The following BAZ2B variants were observed in gnomAD, a reference collection of about 807,000 sequenced individuals.
BAZ2B encodes bromodomain adjacent to zinc finger domain protein 2B.
In BAZ2B, 91 loss-of-function variants were observed where a neutral mutation model predicts 246.0. The ratio of observed to expected loss-of-function variants is 0.37; its 90% CI spans 0.31 to 0.44. The LOEUF is 0.44. Among genes scored for constraint, BAZ2B ranks in the 20% least tolerant of loss-of-function variants. BAZ2B has a pLI of 1.00. For missense variants in BAZ2B, 2,332 were observed against 2,533.7 expected, an observed-to-expected ratio of 0.92 and a Z score of 1.71; for synonymous variants, 855 against 860.0, an observed-to-expected ratio of 0.99 and a Z score of 0.10.
At chr2:159,478,054 G>A (rs1033501973) in intron 3 of BAZ2B, among the ~76,000 whole-genome samples, 1 of 152,056 alleles carries the variant, frequency 6.6e-6, no homozygotes, top group African/African-American at 2.4e-5. Flanking sequence ...ACTCCTGACC[G>A]CAGCTTCCCA....
intron 2 of BAZ2B, among the ~76,000 whole-genome samples, chr2:159,506,773 T>C (rs1309127707): frequency 6.6e-6 from 1 of 152,186 alleles, no homozygotes; most frequent in Non-Finnish European, 1.5e-5. Flanking sequence ...AACTTTCCTT[T>C]TGGGATCACA....
At chr2:159,329,900 C>T (rs1205126068) in intron 34 of BAZ2B, among the ~76,000 whole-genome samples, 3 of 152,108 alleles carry the variant, frequency 2.0e-5, no homozygotes, top group Admixed American at 6.6e-5. Flanking sequence ...GTCCAATGAC[C>T]TACCAGGTGA....
At position 159,573,979 on chromosome 2, in the gene BAZ2B, T is replaced by C. The variant is rs746937403; in HGVS notation, c.-45-18114A>G. Among the ~76,000 whole-genome samples the C allele has an allele frequency of 8.9e-4, 136 of 152,132 alleles. 1 individual carries two copies. The highest frequency in any genetic ancestry group is 1.5e-3 in the Non-Finnish European group (99 of 67,988). On this transcript the variant is annotated intron_variant, in intron 1 of 36. Coordinates refer to ENST00000392783, the MANE Select transcript of BAZ2B (RefSeq NM_013450.4). Reference sequence around the variant, plus strand: ...GGCTGGGTGTGTTGGCATGTGCCCATAGTCCCAGCTACTTGGGTGGCTGAG... The same window carrying C: ...GGCTGGGTGTGTTGGCATGTGCCCACAGTCCCAGCTACTTGGGTGGCTGAG...
intron 2 of BAZ2B, among the ~76,000 whole-genome samples, chr2:159,526,619 C>G (rs530213529): frequency 1.3e-5 from 2 of 152,180 alleles, no homozygotes; most frequent in East Asian, 3.9e-4. Context: ...TTTGTTTGCA[C>G]TTCTGTTTAT....
rs201646075 is a variant in BAZ2B, at chr2:159,564,599, G to GA, written c.-45-8735dup. On this transcript the variant is annotated intron_variant, in intron 1 of 36. Transcript: ENST00000392783. ...TATTTGATTGCTGATGACTAAACAA[G>GA]AAAAAAAACAGAATAATTAAGGATG... Among the ~76,000 whole-genome samples the GA allele has an allele frequency of 6.7e-4, 101 of 151,640 alleles. 1 individual carries two copies. The highest frequency in any genetic ancestry group is 2.9e-3 in the South Asian group (14 of 4,808).
At chr2:159,387,849 T>C (rs1208714716) in intron 21 of BAZ2B, among the ~76,000 whole-genome samples, 3 of 152,112 alleles carry the variant, frequency 2.0e-5, no homozygotes, top group Non-Finnish European at 4.4e-5. Flanking sequence ...TGTTAACTAA[T>C]TTATATACCC....
At chr2:159,368,479 C>A (rs73967843) in intron 27 of BAZ2B, among the ~76,000 whole-genome samples, 15,515 of 152,044 alleles carry the variant, frequency 0.1, 1,217 homozygotes, top group African/African-American at 0.22. Context: ...GGAATCTATA[C>A]CTATTATTTA....
chr2:159,468,975 C>A (rs542422014), intron 3 of BAZ2B, among the ~76,000 whole-genome samples: 1 of 148,354 alleles, frequency 6.7e-6, no homozygotes, highest in African/African-American at 2.5e-5. Flanking sequence ...TGCTTGAACA[C>A]GGGAGGCAGA....
At position 159,483,090 on chromosome 2, in the gene BAZ2B, G is replaced by T. The variant is rs531547960; in HGVS notation, c.-2-4369C>A. Among the ~76,000 whole-genome samples the T allele has an allele frequency of 2.0e-5, 3 of 152,166 alleles. No homozygotes were observed. The South Asian group carries it at 6.2e-4, about 32-fold the overall frequency. On this transcript the variant is annotated intron_variant, in intron 2 of 36. Coordinates refer to ENST00000392783, the MANE Select transcript of BAZ2B (RefSeq NM_013450.4). ...AGATATCACAGGATCACAACAAATG[G>T]AGTATAATAACATGACCTCCCGTCT...
At chr2:159,537,453 G>A (rs1002604652) in intron 2 of BAZ2B, among the ~76,000 whole-genome samples, 3 of 152,244 alleles carry the variant, frequency 2.0e-5, no homozygotes, top group Non-Finnish European at 4.4e-5. Flanking sequence ...TTAAGTGGAG[G>A]AGACTGAGGA....
At chr2:159,582,622 T>C (rs868121232) in intron 1 of BAZ2B, among the ~76,000 whole-genome samples, 2 of 151,622 alleles carry the variant, frequency 1.3e-5, no homozygotes, top group African/African-American at 2.4e-5. Flanking sequence ...TGGACTCCAG[T>C]GATCAGCCCA....
chr2:159,604,860 G>A (rs1395880180), intron 1 of BAZ2B, among the ~76,000 whole-genome samples: 3 of 152,166 alleles, frequency 2.0e-5, no homozygotes, highest in Admixed American at 6.5e-5. Flanking sequence ...AAAGTTTGGT[G>A]AGGAGGGCAT....
intron 2 of BAZ2B, among the ~76,000 whole-genome samples, chr2:159,529,994 AT>A (rs1331433351): frequency 6.6e-6 from 1 of 152,194 alleles, no homozygotes; most frequent in African/African-American, 2.4e-5. Flanking sequence ...AAAAGTGAGG[AT>A]TTTGGAAGCT....
intron 27 of BAZ2B, among the ~76,000 whole-genome samples, chr2:159,359,162 C>G (rs143848528): frequency 0.036 from 5,450 of 152,196 alleles, 194 homozygotes; most frequent in African/African-American, 0.096. Context: ...ATCAATGAAT[C>G]CAGGAGCTGG....
At chr2:159,328,070 G>GAAAAAAAAA (rs1306873341) in intron 34 of BAZ2B, among the ~76,000 whole-genome samples, 9 of 49,508 alleles carry the variant, frequency 1.8e-4, no homozygotes, top group African/African-American at 4.4e-4. Context: ...GCCTCAAAAC[G>GAAAAAAAAA]AAAAAAAAAA....
the BAZ2B span, among the ~76,000 whole-genome samples, chr2:159,639,425 C>T: frequency 6.6e-6 from 1 of 152,018 alleles, no homozygotes; most frequent in Non-Finnish European, 1.5e-5. Flanking sequence ...GTAAATTACT[C>T]TTAAGTAGAA....
intron 2 of BAZ2B, among the ~76,000 whole-genome samples, chr2:159,533,255 C>G (rs1018205074): frequency 6.6e-6 from 1 of 152,034 alleles, no homozygotes; most frequent in African/African-American, 2.4e-5. Flanking sequence ...CAGTAATAGG[C>G]CTGATACATA....
chr2:159,686,948 A>G, the BAZ2B span, among the ~76,000 whole-genome samples: 5 of 149,700 alleles, frequency 3.3e-5, no homozygotes, highest in African/African-American at 1.2e-4. Flanking sequence ...AGGCTGAGGC[A>G]GGAGAATGGC....
chr2:159,632,725 A>T, the BAZ2B span, among the ~76,000 whole-genome samples: 1 of 152,226 alleles, frequency 6.6e-6, no homozygotes, highest in African/African-American at 2.4e-5. Flanking sequence ...TACATAGTGC[A>T]AATTAAAGTG....
Sources: allele counts gnomAD v4.1 joint callset (sites outside exome capture counted in the v4.1 genomes callset), GRCh38; gene constraint gnomAD v4.1.1; transcripts MANE v1.5; gene names NCBI Gene and HGNC (gene_info 2026-07-23, HGNC 2026-07-21).